Variants in NEDD4L observed in about 807,000 individuals in gnomAD.
NEDD4L encodes E3 ubiquitin-protein ligase NEDD4-like.
A neutral mutation model predicts 148.9 loss-of-function variants in NEDD4L; 54 were observed. That is an observed-to-expected ratio of 0.36 (90% confidence interval 0.29 to 0.45). NEDD4L has a LOEUF of 0.45. Ranked by LOEUF, NEDD4L falls within the 20% of genes least tolerant of loss-of-function variation. The pLI, the probability that NEDD4L is intolerant of heterozygous loss-of-function variation, is 1.00. For missense variants in NEDD4L, 856 were observed against 1,233.8 expected (o/e 0.69, Z 4.59); for synonymous variants, 433 against 440.7 (o/e 0.98, Z 0.22).
chr18:58,309,836 ACCTCATCC>A (rs957814152), intron 5 of NEDD4L, among the ~76,000 whole-genome samples: 4 of 151,864 alleles, frequency 2.6e-5, no homozygotes, highest in African/African-American at 4.8e-5. Context: ...CATCAGGTAC[ACCTCATCC>A]CCTGATGTCA....
chr18:58,199,754 A>G (rs1227792308), intron 2 of NEDD4L, among the ~76,000 whole-genome samples: 1 of 152,236 alleles, frequency 6.6e-6, no homozygotes, highest in African/African-American at 2.4e-5. Flanking sequence ...TGAATTTGTT[A>G]TTAGCTTAAT....
rs142314349 is a variant in NEDD4L, at chr18:58,061,382, C to T, written c.48+16674C>T. On this transcript the variant is annotated intron_variant, in intron 1 of 30. Transcript: ENST00000400345. ...GTAAGTGTTAGAGCCAGAATTTGAA[C>T]GCAAGTCTTCCAGATGTCAGAATCT... Among the ~76,000 whole-genome samples, 213 of 152,262 alleles carry T rather than the reference C, an allele frequency of 1.4e-3. 1 individual carries two copies. The highest frequency in any genetic ancestry group is 4.9e-3 in the African/African-American group (203 of 41,554).
chr18:58,132,823 A>G (rs1412004856), intron 1 of NEDD4L, among the ~76,000 whole-genome samples: 1 of 152,162 alleles, frequency 6.6e-6, no homozygotes, highest in Non-Finnish European at 1.5e-5. Context: ...TGTTTAAGAA[A>G]ATTGTCAAAA....
intron 16 of NEDD4L, among the ~76,000 whole-genome samples, chr18:58,345,860 G>A (rs893269441): frequency 4.0e-5 from 6 of 151,690 alleles, no homozygotes; most frequent in Non-Finnish European, 8.8e-5. Flanking sequence ...TCTTGCCTCA[G>A]CCTCCTGAGT....
chr18:58,266,835 T>A (rs1278297579), intron 5 of NEDD4L, among the ~76,000 whole-genome samples: 1 of 152,120 alleles, frequency 6.6e-6, no homozygotes, highest in East Asian at 1.9e-4. Context: ...TGTTTTGAAG[T>A]GTTGGAGTTA....
chr18:58,081,426 A>G (rs760731080), intron 1 of NEDD4L, among the ~76,000 whole-genome samples: 5 of 152,000 alleles, frequency 3.3e-5, no homozygotes, highest in African/African-American at 4.8e-5. Flanking sequence ...CGTGTTAGCC[A>G]GGAAGGTCTC....
At chr18:58,245,017 A>T (rs1013775447) in intron 2 of NEDD4L, among the ~76,000 whole-genome samples, 2 of 152,134 alleles carry the variant, frequency 1.3e-5, no homozygotes, top group Non-Finnish European at 2.9e-5. Flanking sequence ...TTTAATCTGT[A>T]AAATGGTAGG....
At chr18:58,070,655 T>C (rs1191040374) in intron 1 of NEDD4L, among the ~76,000 whole-genome samples, 2 of 152,078 alleles carry the variant, frequency 1.3e-5, no homozygotes, top group East Asian at 3.9e-4. Flanking sequence ...GGTAGAATTA[T>C]AAACCATTCA....
chr18:58,165,714 C>T (rs1219266188), intron 1 of NEDD4L, 74 bp from the exon 2 acceptor site: 4 of 1,523,428 alleles, frequency 2.6e-6, no homozygotes, highest in Non-Finnish European at 3.6e-6. Context: ...AAATCAATTA[C>T]TTTAATATTG....
At chr18:58,276,044 C>T (rs187248265) in intron 5 of NEDD4L, among the ~76,000 whole-genome samples, 47 of 152,232 alleles carry the variant, frequency 3.1e-4, no homozygotes, top group African/African-American at 1.1e-3. Flanking sequence ...ACTTTTTAAA[C>T]CAAACATTTT....
At chr18:58,373,948 A>G (rs17235322) in intron 24 of NEDD4L, among the ~76,000 whole-genome samples, 6,226 of 152,268 alleles carry the variant, frequency 0.041, 215 homozygotes, top group Non-Finnish European at 0.063. Flanking sequence ...AGTAATAATG[A>G]TGCAGCTTGG....
At chr18:58,044,842 C>A in intron 1 of NEDD4L, 134 bp downstream of exon 1, 1 of 1,129,856 alleles carries the variant, frequency 8.9e-7, no homozygotes, top group Non-Finnish European at 1.2e-6. Context: ...CGGGAGCGCC[C>A]CGGAGCGGGA....
chr18:58,231,650 C>T (rs901659401), intron 2 of NEDD4L, among the ~76,000 whole-genome samples: 4 of 152,134 alleles, frequency 2.6e-5, no homozygotes, highest in Non-Finnish European at 5.9e-5. Flanking sequence ...GCAACCTCCG[C>T]CTCCAAGGTT....
Position 58,109,467 on chromosome 18 carries a change from G to A in NEDD4L, c.49-56321G>A, listed in dbSNP as rs1156767188. 1.3e-5 allele frequency among the ~76,000 whole-genome samples: 2 copies of A among 152,132 alleles called. 1 individual carries two copies. Among genetic ancestry groups the A allele is most frequent in the East Asian group, 3.8e-4 (2 of 5,202 alleles). On this transcript the variant is annotated intron_variant, in intron 1 of 30. Coordinates refer to ENST00000400345, the MANE Select transcript of NEDD4L (RefSeq NM_001144967.3). Reference sequence around the variant, plus strand: ...GGCCACATGGCATGGTTGGAAAATAGCAGCTCAGGAATCCATTTGCTGTGG... The same window carrying A: ...GGCCACATGGCATGGTTGGAAAATAACAGCTCAGGAATCCATTTGCTGTGG...
At chr18:58,165,368 C>T (rs1304991800) in intron 1 of NEDD4L, among the ~76,000 whole-genome samples, 1 of 152,110 alleles carries the variant, frequency 6.6e-6, no homozygotes, top group African/African-American at 2.4e-5. Context: ...ACATTAAATT[C>T]TTTTCTATTG....
At chr18:58,196,628 T>C (rs1376251428) in intron 2 of NEDD4L, among the ~76,000 whole-genome samples, 2 of 151,990 alleles carry the variant, frequency 1.3e-5, no homozygotes, top group Non-Finnish European at 2.9e-5. Flanking sequence ...TTAAAAAAGA[T>C]GTAGAAATTA....
intron 2 of NEDD4L, among the ~76,000 whole-genome samples, chr18:58,215,444 A>G (rs1024188295): frequency 3.9e-5 from 6 of 152,046 alleles, no homozygotes; most frequent in South Asian, 2.1e-4. Context: ...CCTTCTGTCA[A>G]TTTTTCCTTT....
chr18:58,183,186 C>CT (rs2039048041), intron 2 of NEDD4L, among the ~76,000 whole-genome samples: 1 of 152,228 alleles, frequency 6.6e-6, no homozygotes, highest in Non-Finnish European at 1.5e-5. Flanking sequence ...AGTGAAGGTG[C>CT]TGTATAAGCT....
intron 5 of NEDD4L, among the ~76,000 whole-genome samples, chr18:58,285,007 G>C (rs192519626): frequency 6.6e-6 from 1 of 152,144 alleles, no homozygotes; most frequent in Non-Finnish European, 1.5e-5. Flanking sequence ...TCTCATCTAC[G>C]TGCTCATAAA....
Sources: gnomAD v4.1 joint callset for allele counts (sites outside exome capture counted in the v4.1 genomes callset) on GRCh38, gnomAD v4.1.1 for gene constraint, MANE v1.5 for transcripts, NCBI Gene and HGNC (gene_info 2026-07-23, HGNC 2026-07-21) for gene names.